Variants in BLTP1 observed in about 807,000 individuals in gnomAD.
The protein encoded by BLTP1 is bridge-like lipid transfer protein family member 1, also known as fragile site-associated protein.
chr4:122,321,289 T>G, the BLTP1 span, among the ~76,000 whole-genome samples: 1 of 152,140 alleles, frequency 6.6e-6, no homozygotes, highest in Non-Finnish European at 1.5e-5. Flanking sequence ...TATACCACTT[T>G]ATGGGCAGTG....
chr4:122,346,522 T>G, the BLTP1 span: 2 of 1,457,664 alleles, frequency 1.4e-6, no homozygotes, highest in African/African-American at 2.8e-5. Context: ...ATATGTAACT[T>G]AAGTATAATT....
chr4:122,236,711 A>G, the BLTP1 span: 1 of 898,992 alleles, frequency 1.1e-6, no homozygotes, highest in African/African-American at 1.8e-5. Context: ...GGGAATTTAT[A>G]CTGATGTGAA....
the BLTP1 span, among the ~76,000 whole-genome samples, chr4:122,205,718 C>T: frequency 6.6e-6 from 1 of 150,888 alleles, no homozygotes; most frequent in Non-Finnish European, 1.5e-5. Flanking sequence ...CTCTCTCTCT[C>T]TCTCTAAAGT....
the BLTP1 span, chr4:122,361,913 T>C: frequency 8.8e-7 from 1 of 1,135,436 alleles, no homozygotes. Context: ...CAAATGTACC[T>C]ACTGAAAATA....
At chr4:122,305,988 G>A in the BLTP1 span, 1 of 1,612,262 alleles carries the variant, frequency 6.2e-7, no homozygotes, top group Non-Finnish European at 8.5e-7. Context: ...TAGGGAAGCT[G>A]TGCTTATTAC....
At chr4:122,326,713 T>TA in the BLTP1 span, among the ~76,000 whole-genome samples, 1 of 151,584 alleles carries the variant, frequency 6.6e-6, no homozygotes, top group East Asian at 1.9e-4. Flanking sequence ...AAATGGTATA[T>TA]AAAAAATCAT....
At chr4:122,347,899 CAAAA>C in the BLTP1 span, 416 of 401,400 alleles carry the variant, frequency 1.0e-3, no homozygotes, top group South Asian at 2.7e-3. Context: ...TATGACACGT[CAAAA>C]AAAAAAAAAA....
At chr4:122,353,116 A>G in the BLTP1 span, 1 of 1,613,958 alleles carries the variant, frequency 6.2e-7, no homozygotes, top group Non-Finnish European at 8.5e-7. This position sits in a 1 kb window ranked among gnomAD's most constrained non-coding sequence, Gnocchi z 4.3. Flanking sequence ...AGAACCAAAT[A>G]TTGCTTTTTG....
At chr4:122,357,886 G>A in the BLTP1 span, among the ~76,000 whole-genome samples, 2 of 152,034 alleles carry the variant, frequency 1.3e-5, no homozygotes, top group African/African-American at 4.8e-5. Flanking sequence ...ATTATCAAAC[G>A]ACCATGTTGA....
the BLTP1 span, chr4:122,170,016 G>A: frequency 9.1e-6 from 9 of 984,418 alleles, no homozygotes; most frequent in African/African-American, 1.6e-4. Context: ...TTTGATTAAA[G>A]AATAATCACG....
chr4:122,276,105 C>A, the BLTP1 span: 2 of 1,160,988 alleles, frequency 1.7e-6, no homozygotes, highest in Non-Finnish European at 2.3e-6. Context: ...TTTTTCATGG[C>A]TGTGAATTAT....
At chr4:122,191,366 T>C in the BLTP1 span, among the ~76,000 whole-genome samples, 1 of 152,052 alleles carries the variant, frequency 6.6e-6, no homozygotes, top group Admixed American at 6.6e-5. Flanking sequence ...CTTTGGAAAA[T>C]TGGAGTCTGC....
At chr4:122,192,267 G>A in the BLTP1 span, 1 of 1,613,122 alleles carries the variant, frequency 6.2e-7, no homozygotes, top group African/African-American at 1.3e-5. Context: ...TATTGAAGGA[G>A]AAATGAGCAG....
the BLTP1 span, chr4:122,214,369 G>T: frequency 1.1e-6 from 1 of 943,308 alleles, no homozygotes; most frequent in African/African-American, 1.8e-5. Context: ...TTTGACAAAA[G>T]AACACATTTT....
the BLTP1 span, chr4:122,334,223 A>T: frequency 1.0e-6 from 1 of 956,698 alleles, no homozygotes; most frequent in Non-Finnish European, 1.5e-6. Flanking sequence ...CACAAAGCTA[A>T]CTTTTAAAAG....
chr4:122,311,947 C>T, the BLTP1 span, among the ~76,000 whole-genome samples: 2 of 152,012 alleles, frequency 1.3e-5, no homozygotes, highest in African/African-American at 4.8e-5. Context: ...TTTCAGGATT[C>T]AGATCTACAT....
the BLTP1 span, among the ~76,000 whole-genome samples, chr4:122,283,097 T>C: frequency 6.6e-6 from 1 of 152,224 alleles, no homozygotes; most frequent in African/African-American, 2.4e-5. Context: ...TGTGTATTTT[T>C]ATGTCCTGAA....
the BLTP1 span, chr4:122,247,279 G>A: frequency 5.0e-6 from 8 of 1,613,428 alleles, no homozygotes; most frequent in South Asian, 1.1e-5. Context: ...AAATGCTGGA[G>A]CAGAAAAAGG....
At chr4:122,165,926 T>G in the BLTP1 span, among the ~76,000 whole-genome samples, 12 of 151,360 alleles carry the variant, frequency 7.9e-5, no homozygotes, top group African/African-American at 2.9e-4. Context: ...GGTTGTTTGT[T>G]TTTTTCTTGT....
Sources: gnomAD v4.1 joint callset for allele counts (sites outside exome capture counted in the v4.1 genomes callset) on GRCh38, gnomAD v4.1.1 for gene constraint, Gnocchi (gnomAD v3.1) non-coding constraint, MANE v1.5 for transcripts, NCBI Gene and HGNC (gene_info 2026-07-23, HGNC 2026-07-21) for gene names.